Variants in GABRB1 observed in about 807,000 individuals in gnomAD.
GABRB1 encodes the protein gamma-aminobutyric acid receptor subunit beta-1.
A neutral mutation model predicts 51.6 loss-of-function variants in GABRB1; 17 were observed. The observed-to-expected ratio is 0.33, with a 90% CI of 0.23 to 0.49. The LOEUF (loss-of-function observed/expected upper bound fraction) is 0.49. Among genes scored for constraint, GABRB1 ranks in the 20% least tolerant of loss-of-function variants. The probability of loss-of-function intolerance (pLI) is 0.99; values close to 1 mark genes in which losing one functional copy is unlikely to be tolerated. For synonymous variants in GABRB1, 247 were observed against 218.9 expected (o/e 1.13, Z -1.14); for missense variants, 410 against 600.6 (o/e 0.68, Z 3.32).
intron 3 of GABRB1, among the ~76,000 whole-genome samples, chr4:47,135,223 C>T (rs1716591352): frequency 6.6e-6 from 1 of 151,956 alleles, no homozygotes; most frequent in Non-Finnish European, 1.5e-5. Flanking sequence ...TGGTGAGATG[C>T]CAGTTTTGGG....
chr4:47,015,742 A>G (rs1465955125), intron 1 of GABRB1, among the ~76,000 whole-genome samples: 2 of 152,260 alleles, frequency 1.3e-5, no homozygotes, highest in Admixed American at 1.3e-4. Flanking sequence ...TTACATGTTT[A>G]CTATCTGTGA....
rs535320648 is a variant in GABRB1, at chr4:47,276,304, A to G, written c.462-43823A>G. Among the ~76,000 whole-genome samples, 6 of 152,270 alleles carry G rather than the reference A, an allele frequency of 3.9e-5. No individual in the cohort carries two copies. The South Asian group carries it at 1.0e-3, about 26-fold the overall frequency. ...TATATTTGGTTGTCATAATATATTT[A>G]CAATAATTATGTCTAGCATTATATT... On this transcript the variant is annotated intron_variant, in intron 4 of 8. Transcript: ENST00000295454.
intron 5 of GABRB1, among the ~76,000 whole-genome samples, chr4:47,401,155 G>A (rs779612516): frequency 1.3e-5 from 2 of 152,098 alleles, no homozygotes; most frequent in Non-Finnish European, 2.9e-5. Context: ...TGTGATAAAT[G>A]TACGAATGCA....
intron 3 of GABRB1, among the ~76,000 whole-genome samples, chr4:47,036,279 T>C (rs1725552498): frequency 6.6e-6 from 1 of 152,230 alleles, no homozygotes; most frequent in Admixed American, 6.5e-5. Flanking sequence ...TATTAGACTC[T>C]GGAAGTTTCT....
chr4:47,232,208 C>T (rs1326516495), intron 4 of GABRB1, among the ~76,000 whole-genome samples: 2 of 152,134 alleles, frequency 1.3e-5, no homozygotes, highest in Admixed American at 6.6e-5. Flanking sequence ...TCTGGTTGAT[C>T]CTCAAGGGTA....
At chr4:47,225,247 A>T (rs1351198139) in intron 4 of GABRB1, among the ~76,000 whole-genome samples, 1 of 152,168 alleles carries the variant, frequency 6.6e-6, no homozygotes, top group African/African-American at 2.4e-5. Flanking sequence ...AGATGGAACC[A>T]TAGAGAGGTT....
chr4:47,052,204 C>A (rs114938611), intron 3 of GABRB1, among the ~76,000 whole-genome samples: 1 of 152,128 alleles, frequency 6.6e-6, no homozygotes, highest in African/African-American at 2.4e-5. Context: ...CTTGTAATTG[C>A]TGAAGAAACT....
chr4:47,001,351 C>A (rs1384760770), intron 1 of GABRB1, among the ~76,000 whole-genome samples: 3 of 152,002 alleles, frequency 2.0e-5, no homozygotes, highest in African/African-American at 4.8e-5. Flanking sequence ...ACCGTGTTAG[C>A]CAGGATGGTC....
chr4:47,243,581 T>A lies in GABRB1; in HGVS notation c.462-76546T>A, dbSNP rs527238260. 6.6e-4 allele frequency among the ~76,000 whole-genome samples: 101 copies of A among 152,310 alleles called. No individual in the cohort carries two copies. In the South Asian group the frequency reaches 0.012, roughly 18 times the overall value. On this transcript the variant is annotated intron_variant, in intron 4 of 8. Coordinates refer to ENST00000295454, the MANE Select transcript of GABRB1 (RefSeq NM_000812.4). ...ATTTCGTTGAGCCATGGTTGGTAGTTCTCCTTGGAGAGGTCCTTCACATCC... is the reference window on the plus strand; with the variant it reads ...ATTTCGTTGAGCCATGGTTGGTAGTACTCCTTGGAGAGGTCCTTCACATCC...
rs568737445 is a variant in GABRB1 at position 47,295,625 on chromosome 4, C to T, written c.462-24502C>T. Among the ~76,000 whole-genome samples the T allele has an allele frequency of 6.6e-5, 10 of 152,298 alleles. No individual in the cohort carries two copies. In the East Asian group the frequency reaches 7.7e-4, roughly 12 times the overall value. ...GGACTATGAGAAAAGACCAAATCTA[C>T]GTCTGACTGGTGTACCTGAAAGTGA... On this transcript the variant is annotated intron_variant, in intron 4 of 8. Transcript: ENST00000295454.
chr4:47,203,691 A>G (rs1222242705), intron 4 of GABRB1, among the ~76,000 whole-genome samples: 1 of 152,076 alleles, frequency 6.6e-6, no homozygotes, highest in Non-Finnish European at 1.5e-5. Context: ...GGCACACAGC[A>G]TATCTTCCCT....
At chr4:47,304,079 G>A (rs1724360270) in intron 4 of GABRB1, among the ~76,000 whole-genome samples, 2 of 151,958 alleles carry the variant, frequency 1.3e-5, no homozygotes, top group South Asian at 4.1e-4. Flanking sequence ...ACACTTAGTT[G>A]ATTCCATATC....
chr4:47,077,935 A>ATG (rs1483073107), intron 3 of GABRB1, among the ~76,000 whole-genome samples: 2 of 119,636 alleles, frequency 1.7e-5, no homozygotes, highest in East Asian at 2.2e-4. Context: ...TATATATTAT[A>ATG]TATTTTATAT....
At chr4:47,008,334 G>A (rs1724472227) in intron 1 of GABRB1, among the ~76,000 whole-genome samples, 1 of 152,122 alleles carries the variant, frequency 6.6e-6, no homozygotes, top group Admixed American at 6.5e-5. Flanking sequence ...TGGTAAATAA[G>A]ACGTGGGCTA....
At chr4:47,297,358 C>G (rs2109931957) in intron 4 of GABRB1, among the ~76,000 whole-genome samples, 1 of 118,160 alleles carries the variant, frequency 8.5e-6, no homozygotes, top group East Asian at 2.8e-4. Flanking sequence ...TGATAGACCG[C>G]TAGCAAGACT....
chr4:47,064,600 T>C lies in GABRB1; in HGVS notation c.240+32116T>C, dbSNP rs148275851. On this transcript the variant is annotated intron_variant, in intron 3 of 8. Coordinates refer to ENST00000295454, the MANE Select transcript of GABRB1 (RefSeq NM_000812.4). ...TTGCAGTGAGTCAAGATCGCGCCATTGCACTCCAGCCTGGGAAATAAGAGC... is the reference window on the plus strand; with the variant it reads ...TTGCAGTGAGTCAAGATCGCGCCATCGCACTCCAGCCTGGGAAATAAGAGC... 8.6e-3 allele frequency among the ~76,000 whole-genome samples: 1,127 copies of C among 131,686 alleles called. 11 individuals are homozygous for C. The highest frequency in any genetic ancestry group is 0.03 in the African/African-American group (1,039 of 34,300). The allele number at this position is 131,686 out of a possible 152,430, so 86.4% of individuals were successfully genotyped here. A position where few individuals can be genotyped will look rare whatever the true frequency, so the allele number is the denominator to read the frequency against.
intron 4 of GABRB1, among the ~76,000 whole-genome samples, chr4:47,298,447 GACAA>G (rs1370368893): frequency 2.0e-5 from 3 of 151,670 alleles, no homozygotes; most frequent in African/African-American, 4.8e-5. Flanking sequence ...ACCAATAACA[GACAA>G]ACAGAGAGCC....
At chr4:47,015,138 C>T (rs1724707379) in intron 1 of GABRB1, among the ~76,000 whole-genome samples, 1 of 152,146 alleles carries the variant, frequency 6.6e-6, no homozygotes, top group African/African-American at 2.4e-5. Context: ...GAACTCCTGA[C>T]CTTGTGATCC....
intron 4 of GABRB1, among the ~76,000 whole-genome samples, chr4:47,173,036 T>C (rs1403310150): frequency 6.6e-6 from 1 of 152,174 alleles, no homozygotes; most frequent in Non-Finnish European, 1.5e-5. Context: ...TCCATTTTCT[T>C]CTATTTGCAA....
Sources: gnomAD v4.1 joint callset for allele counts (sites outside exome capture counted in the v4.1 genomes callset) on GRCh38, gnomAD v4.1.1 for gene constraint, MANE v1.5 for transcripts, NCBI Gene and HGNC (gene_info 2026-07-23, HGNC 2026-07-21) for gene names.